MAPRE2: variants seen among roughly 807,000 people sequenced by gnomAD.
The protein encoded by MAPRE2 is microtubule associated protein RP/EB family member 2.
A neutral mutation model predicts 43.2 loss-of-function variants in MAPRE2; 13 were observed. The ratio of observed to expected loss-of-function variants is 0.30; its 90% CI spans 0.20 to 0.48. The LOEUF (loss-of-function observed/expected upper bound fraction) is 0.48, where lower values mean the gene tolerates loss of function less well. MAPRE2 is among the 20% of genes least tolerant of loss of function. The pLI, the probability that MAPRE2 is intolerant of heterozygous loss-of-function variation, is 0.99. For missense variants in MAPRE2, 161 were observed against 400.2 expected, an observed-to-expected ratio of 0.40 and a Z score of 5.10; for synonymous variants, 135 against 148.8, an observed-to-expected ratio of 0.91 and a Z score of 0.68.
rs551438071 is a variant in MAPRE2 at position 35,106,821 on chromosome 18, G to T, written c.610+4662G>T. 2.0e-5 allele frequency among the ~76,000 whole-genome samples: 3 copies of T among 152,062 alleles called. No individual in the cohort carries two copies. In the South Asian group the frequency reaches 6.2e-4, roughly 32 times the overall value. ...ATTCTGAGGAGTTGCATCTTGAATTGGTTTTAATCTACCAACCAGGGGCAT... is the reference window on the plus strand; with the variant it reads ...ATTCTGAGGAGTTGCATCTTGAATTTGTTTTAATCTACCAACCAGGGGCAT... On this transcript the variant is annotated intron_variant, in intron 4 of 6. Coordinates refer to ENST00000300249, the MANE Select transcript of MAPRE2 (RefSeq NM_014268.4).
intron 5 of MAPRE2, chr18:35,127,365 G>A (rs1186400033): frequency 8.0e-6 from 3 of 373,378 alleles, no homozygotes; most frequent in Non-Finnish European, 1.5e-5. Flanking sequence ...TGCTCCTCAG[G>A]GCCGTCAAGA....
At chr18:35,070,419 A>G in intron 2 of MAPRE2, 97 bp downstream of exon 2, 1 of 1,091,738 alleles carries the variant, frequency 9.2e-7, no homozygotes, top group South Asian at 2.1e-5. Context: ...TGGGTAGGAA[A>G]AAGTATATAT....
At chr18:35,032,689 G>GT (rs939352277) in intron 2 of MAPRE2, among the ~76,000 whole-genome samples, 13 of 151,664 alleles carry the variant, frequency 8.6e-5, no homozygotes, top group South Asian at 2.1e-4. Flanking sequence ...TTTTTGTTTT[G>GT]TTTTTTTGTT....
At chr18:35,039,384 C>A (rs1234358836), upstream of MAPRE2, among the ~76,000 whole-genome samples, 1 of 152,118 alleles carries the variant, frequency 6.6e-6, no homozygotes, top group Non-Finnish European at 1.5e-5. Context: ...CAATGTGAAG[C>A]TTGGTGTGTA....
At position 35,140,377 on chromosome 18, in the gene MAPRE2, C is replaced by T. The variant is rs779808323; in HGVS notation, c.*8C>T. 25 of 1,606,688 alleles carry T rather than the reference C, an allele frequency of 1.6e-5. 1 individual carries two copies. The Middle Eastern group carries it at 5.0e-4, about 32-fold the overall frequency. On this transcript the variant is annotated 3_prime_UTR_variant, in exon 7 of 7. Coordinates refer to ENST00000300249, the MANE Select transcript of MAPRE2 (RefSeq NM_014268.4). ...CAGCAGGAAGAGTACTGACCCACCCCGGCTGCTCTTGACACTTCCATTGTG... is the reference window on the plus strand; with the variant it reads ...CAGCAGGAAGAGTACTGACCCACCCTGGCTGCTCTTGACACTTCCATTGTG...
chr18:35,032,937 G>A (rs4145316), intron 2 of MAPRE2, among the ~76,000 whole-genome samples: 3 of 151,848 alleles, frequency 2.0e-5, no homozygotes, highest in Non-Finnish European at 4.4e-5. Context: ...AGTACAGATA[G>A]TTGCTGATTC....
chr18:35,014,486 G>A (rs907472034), intron 2 of MAPRE2, among the ~76,000 whole-genome samples: 1 of 151,766 alleles, frequency 6.6e-6, no homozygotes, highest in South Asian at 2.1e-4. Flanking sequence ...TTGGGGAAAC[G>A]TGAAAATTGA....
intron 2 of MAPRE2, among the ~76,000 whole-genome samples, chr18:35,017,570 GT>G (rs71166042): frequency 0.57 from 84,759 of 148,610 alleles, 24,715 homozygotes; most frequent in East Asian, 0.72. Context: ...TTTGTTTTTT[GT>G]TTTTTTTTTA....
intron 3 of MAPRE2, among the ~76,000 whole-genome samples, chr18:35,101,116 A>G (rs550235956): frequency 2.6e-5 from 4 of 152,206 alleles, no homozygotes; most frequent in Non-Finnish European, 5.9e-5. Flanking sequence ...TTTTCCAGAG[A>G]GACGTTTTGA....
intron 4 of MAPRE2, among the ~76,000 whole-genome samples, chr18:35,124,364 G>A (rs1001698320): frequency 2.0e-5 from 3 of 152,104 alleles, no homozygotes; most frequent in African/African-American, 4.8e-5. Context: ...TACCTGCCAC[G>A]GGGTCCCTCC....
chr18:35,077,931 A>G (rs1396681628), intron 2 of MAPRE2, among the ~76,000 whole-genome samples: 2 of 152,228 alleles, frequency 1.3e-5, no homozygotes, highest in Non-Finnish European at 2.9e-5. Flanking sequence ...GAATTTTTAA[A>G]AACATGTCAA....
intron 2 of MAPRE2, among the ~76,000 whole-genome samples, chr18:35,015,010 A>T (rs1419010976): frequency 6.6e-6 from 1 of 152,164 alleles, no homozygotes; most frequent in Non-Finnish European, 1.5e-5. Flanking sequence ...TTTCTGTACA[A>T]GTAGGCTGTG....
Position 35,143,349 on chromosome 18 carries a change from T to A in MAPRE2, c.*2980T>A, listed in dbSNP as rs1910752657. ...AAAGTCTTATTCAGATGTATCACAT[T>A]CATTTTACATTACCCACCTATTGTC... On this transcript the variant is annotated 3_prime_UTR_variant, in exon 7 of 7. Transcript: ENST00000300249. 2.0e-5 allele frequency: 3 copies of A among 152,190 alleles called. No individual in the cohort carries two copies. In the South Asian group the frequency reaches 6.2e-4, roughly 31 times the overall value. 9.4% of individuals were successfully genotyped at this position (152,190 alleles called of 1,614,324 possible). A position where few individuals can be genotyped will look rare whatever the true frequency, so the allele number is the denominator to read the frequency against.
At chr18:35,117,347 A>G (rs1909460191) in intron 4 of MAPRE2, among the ~76,000 whole-genome samples, 1 of 152,182 alleles carries the variant, frequency 6.6e-6, no homozygotes, top group African/African-American at 2.4e-5. Context: ...GATGGTGTTA[A>G]TGGAGCACAA....
At chr18:35,043,949 C>T in intron 1 of MAPRE2, among the ~76,000 whole-genome samples, 1 of 152,156 alleles carries the variant, frequency 6.6e-6, no homozygotes, top group South Asian at 2.1e-4. Flanking sequence ...ATTTTGGCAT[C>T]CCAAGACTGG....
upstream of MAPRE2, chr18:35,041,368 C>A: frequency 6.9e-7 from 1 of 1,455,266 alleles, no homozygotes; most frequent in Non-Finnish European, 9.0e-7. Context: ...ACGTCAGCTG[C>A]CAGAGGGCGG....
intron 2 of MAPRE2, among the ~76,000 whole-genome samples, chr18:35,083,245 A>G (rs1907724848): frequency 6.6e-6 from 1 of 152,178 alleles, no homozygotes; most frequent in Admixed American, 6.5e-5. Flanking sequence ...CTTTTTGTCC[A>G]TTAAAGTAGA....
chr18:35,038,996 G>A (rs1230228027), upstream of MAPRE2, among the ~76,000 whole-genome samples: 13 of 152,178 alleles, frequency 8.5e-5, no homozygotes, highest in Non-Finnish European at 1.6e-4. Context: ...TCCTTCATGA[G>A]CAGACTAGAA....
chr18:35,021,689 A>C (rs1332999059), intron 2 of MAPRE2, among the ~76,000 whole-genome samples: 2 of 152,176 alleles, frequency 1.3e-5, no homozygotes, highest in African/African-American at 4.8e-5. Flanking sequence ...TGTGGCTGAG[A>C]GTATCACAGG....
Sources: allele counts gnomAD v4.1 joint callset (sites outside exome capture counted in the v4.1 genomes callset), GRCh38; gene constraint gnomAD v4.1.1; transcripts MANE v1.5; gene names NCBI Gene and HGNC (gene_info 2026-07-23, HGNC 2026-07-21).